The following KCNIP4 variants were observed in gnomAD, a reference collection of about 807,000 sequenced individuals.
The protein encoded by KCNIP4 is Kv channel-interacting protein 4.
Under a neutral mutation model 34.0 loss-of-function variants are expected in KCNIP4, and 12 were observed. The observed-to-expected ratio is 0.35, with a 90% CI of 0.23 to 0.57. The LOEUF (loss-of-function observed/expected upper bound fraction) is 0.57. Ranked by LOEUF, KCNIP4 falls within the 20% of genes least tolerant of loss-of-function variation. KCNIP4 has a pLI of 0.83. For missense variants in KCNIP4, 238 were observed against 311.7 expected, an observed-to-expected ratio of 0.76 and a Z score of 1.78; for synonymous variants, 124 against 102.2, an observed-to-expected ratio of 1.21 and a Z score of -1.29.
intron 1 of KCNIP4, among the ~76,000 whole-genome samples, chr4:21,835,038 AT>A (rs1318208201): frequency 1.3e-5 from 2 of 152,152 alleles, no homozygotes; most frequent in Non-Finnish European, 2.9e-5. Flanking sequence ...CATCAAGGAT[AT>A]TGGTCTAAAA....
At chr4:21,407,522 T>G in intron 1 of KCNIP4, among the ~76,000 whole-genome samples, 1 of 152,092 alleles carries the variant, frequency 6.6e-6, no homozygotes, top group East Asian at 1.9e-4. Flanking sequence ...TCAACAGATG[T>G]TTGTTGAGTG....
intron 1 of KCNIP4, among the ~76,000 whole-genome samples, chr4:21,308,110 A>C (rs1712691343): frequency 6.6e-6 from 1 of 152,216 alleles, no homozygotes; most frequent in African/African-American, 2.4e-5. Context: ...ATATTAATCC[A>C]ATATATTTTC....
intron 1 of KCNIP4, among the ~76,000 whole-genome samples, chr4:21,568,446 A>ATC (rs1421616886): frequency 6.6e-6 from 1 of 152,100 alleles, no homozygotes; most frequent in Non-Finnish European, 1.5e-5. Context: ...TCCTGTGTGT[A>ATC]TCTGTAAGGG....
chr4:21,581,473 A>G (rs7691679), intron 1 of KCNIP4, among the ~76,000 whole-genome samples: 31,090 of 151,810 alleles, frequency 0.2, 3,177 homozygotes, highest in Middle Eastern at 0.26. Context: ...GTTTGGCTAC[A>G]GTCATGCAAA....
chr4:20,908,213 C>A (rs1727979047), intron 1 of KCNIP4, among the ~76,000 whole-genome samples: 1 of 151,834 alleles, frequency 6.6e-6, no homozygotes, highest in Non-Finnish European at 1.5e-5. Context: ...GATTCTCCTG[C>A]CTCAGCCTCC....
At chr4:21,373,972 T>G (rs1720732126) in intron 1 of KCNIP4, among the ~76,000 whole-genome samples, 1 of 111,668 alleles carries the variant, frequency 9.0e-6, no homozygotes, top group African/African-American at 3.5e-5. Flanking sequence ...CCCAAGGTAT[T>G]GGGATTACAG....
rs187061005 is a variant in KCNIP4 at position 21,507,767 on chromosome 4, G to A, written c.61+440804C>T. Among the ~76,000 whole-genome samples, 29 of 152,266 alleles carry A rather than the reference G, an allele frequency of 1.9e-4. No homozygotes were observed. In the East Asian group the frequency reaches 5.4e-3, roughly 28 times the overall value. ...CAAAGATAGTTATGATGAACTAACA[G>A]GATAAAATTATCATCTTATAATAAG... On this transcript the variant is annotated intron_variant, in intron 1 of 8. Transcript: ENST00000382152.
At chr4:21,688,833 T>C (rs1751019451) in intron 1 of KCNIP4, among the ~76,000 whole-genome samples, 1 of 151,868 alleles carries the variant, frequency 6.6e-6, no homozygotes, top group Non-Finnish European at 1.5e-5. Context: ...AGCTGCTTCC[T>C]TGCCTTTCCT....
chr4:21,569,692 T>C (rs533522728), intron 1 of KCNIP4, among the ~76,000 whole-genome samples: 1 of 152,176 alleles, frequency 6.6e-6, no homozygotes, highest in South Asian at 2.1e-4. Context: ...ATACTGACCA[T>C]TGGTTACTCG....
intron 1 of KCNIP4, among the ~76,000 whole-genome samples, chr4:21,060,955 T>C (rs1435321207): frequency 6.6e-6 from 1 of 152,174 alleles, no homozygotes; most frequent in Non-Finnish European, 1.5e-5. Context: ...TAGGGAAACA[T>C]ATGCTAATGA....
At chr4:21,711,116 G>T (rs1441943120) in intron 1 of KCNIP4, among the ~76,000 whole-genome samples, 2 of 151,984 alleles carry the variant, frequency 1.3e-5, no homozygotes, top group Non-Finnish European at 2.9e-5. Flanking sequence ...TTCTCTATGG[G>T]GTAGATTTCG....
At chr4:21,638,354 A>G (rs1330510671) in intron 1 of KCNIP4, among the ~76,000 whole-genome samples, 2 of 152,176 alleles carry the variant, frequency 1.3e-5, no homozygotes, top group African/African-American at 4.8e-5. Context: ...TGCACAGTCT[A>G]GGTTCAAAGA....
At chr4:21,652,036 C>A (rs947625974) in intron 1 of KCNIP4, among the ~76,000 whole-genome samples, 19 of 152,064 alleles carry the variant, frequency 1.2e-4, no homozygotes, top group African/African-American at 4.6e-4. Context: ...AGCCCTAACA[C>A]CGACATTGCG....
chr4:20,735,408 C>G (rs1247953833), intron 5 of KCNIP4, among the ~76,000 whole-genome samples: 1 of 151,896 alleles, frequency 6.6e-6, no homozygotes, highest in African/African-American at 2.4e-5. Context: ...CAGTCCTTGG[C>G]AATGACATTG....
intron 3 of KCNIP4, among the ~76,000 whole-genome samples, chr4:20,826,764 A>G (rs1419157340): frequency 6.6e-6 from 1 of 152,218 alleles, no homozygotes. Flanking sequence ...AATGGATACT[A>G]TCATTGATAG....
At chr4:21,535,384 GGT>G (rs1737069103) in intron 1 of KCNIP4, among the ~76,000 whole-genome samples, 1 of 152,168 alleles carries the variant, frequency 6.6e-6, no homozygotes, top group Admixed American at 6.5e-5. Context: ...AAACTAGAAA[GGT>G]GTGTTTCACT....
At chr4:21,125,304 G>A (rs915128960) in intron 1 of KCNIP4, among the ~76,000 whole-genome samples, 13 of 150,664 alleles carry the variant, frequency 8.6e-5, no homozygotes, top group African/African-American at 1.5e-4. Flanking sequence ...AGCAACCTCC[G>A]CCTCAGGGTT....
chr4:21,310,586 G>A (rs1348926711), intron 1 of KCNIP4, among the ~76,000 whole-genome samples: 1 of 152,090 alleles, frequency 6.6e-6, no homozygotes, highest in East Asian at 1.9e-4. Context: ...GAAAGAAAAC[G>A]AGCAGAAGGC....
chr4:21,624,780 G>A (rs1037001126), intron 1 of KCNIP4, among the ~76,000 whole-genome samples: 2 of 152,022 alleles, frequency 1.3e-5, no homozygotes, highest in Non-Finnish European at 2.9e-5. Flanking sequence ...ACTCTTTGAC[G>A]CCGTAAATTG....
Sources: allele counts gnomAD v4.1 joint callset (sites outside exome capture counted in the v4.1 genomes callset), GRCh38; gene constraint gnomAD v4.1.1; transcripts MANE v1.5; gene names NCBI Gene and HGNC (gene_info 2026-07-23, HGNC 2026-07-21).